Variants in SLC1A7 observed in about 807,000 individuals in gnomAD.
SLC1A7 encodes solute carrier family 1 member 7.
A neutral mutation model predicts 47.7 loss-of-function variants in SLC1A7; 40 were observed. That is an observed-to-expected ratio of 0.84 (90% CI 0.65 to 1.09). SLC1A7 has a LOEUF of 1.09. Ranked by LOEUF, SLC1A7 falls within the 50% of genes least tolerant of loss-of-function variation. The pLI is 0.00. For synonymous variants in SLC1A7, 323 were observed against 325.6 expected (o/e 0.99, Z 0.09); for missense variants, 746 against 769.5 (o/e 0.97, Z 0.36).
intron 7 of SLC1A7, 68 bp downstream of exon 7, chr1:53,092,486 T>C (rs1644432967): frequency 4.2e-6 from 5 of 1,177,596 alleles, no homozygotes; most frequent in Non-Finnish European, 5.0e-6. Context: ...GAACCAATGA[T>C]GGCTGGACAG....
intron 4 of SLC1A7, among the ~76,000 whole-genome samples, chr1:53,103,897 A>G (rs988921593): frequency 6.6e-6 from 1 of 151,658 alleles, no homozygotes; most frequent in African/African-American, 2.4e-5. Context: ...TTATCCACCC[A>G]TCTGTCCCCT....
intron 2 of SLC1A7, among the ~76,000 whole-genome samples, chr1:53,126,929 C>G (rs1644888642): frequency 6.6e-6 from 1 of 151,846 alleles, no homozygotes; most frequent in Admixed American, 6.6e-5. Context: ...ATGGCATGAA[C>G]ATGGCTCACT....
Position 53,103,498 on chromosome 1 carries a change from A to C in SLC1A7, c.545T>G (p.Ile182Ser). Residue 182 changes from isoleucine to serine, a missense_variant, in exon 5 of 11, where the codon ATC becomes AGC. Ile to Ser is a moderately radical substitution (Grantham distance 142, BLOSUM62 -2). Transcript: ENST00000371494. ...CTCCTCCTGGACCCCGTAGATGAGG[A>C]TCCGCCGAGGAGGGGCCTCCTCTGG... Reference protein sequence around the residue: ...VAPEEAPPRRILIYGVQEENG... With the variant: ...VAPEEAPPRRSLIYGVQEENG... The C allele has an allele frequency of 6.2e-7, 1 of 1,613,038 alleles. No individual in the cohort carries two copies. The highest frequency in any genetic ancestry group is 8.5e-7 in the Non-Finnish European group (1 of 1,179,550).
chr1:53,106,011 C>T (rs1288423), intron 3 of SLC1A7, among the ~76,000 whole-genome samples: 91 of 152,204 alleles, frequency 6.0e-4, no homozygotes, highest in Non-Finnish European at 1.0e-3. Flanking sequence ...TCCCTCTGCC[C>T]GGAATGCCCT....
intron 7 of SLC1A7, 67 bp downstream of exon 7, chr1:53,092,487 G>T (rs1644432998): frequency 2.5e-6 from 3 of 1,183,050 alleles, no homozygotes; most frequent in Non-Finnish European, 3.7e-6. Context: ...AACCAATGAT[G>T]GCTGGACAGA....
At chr1:53,089,956 A>G (rs1003584353) in intron 8 of SLC1A7, 22 bp from the exon 9 acceptor site, 2 of 1,612,110 alleles carry the variant, frequency 1.2e-6, no homozygotes, top group Non-Finnish European at 1.7e-6. Context: ...GGGAAGGGGA[A>G]GAGGAGCAGC....
chr1:53,131,065 C>G (rs1644937537), intron 2 of SLC1A7, among the ~76,000 whole-genome samples: 1 of 152,226 alleles, frequency 6.6e-6, no homozygotes. Context: ...TGCTCTGCAC[C>G]AGTCCAAACT....
At chr1:53,123,502 G>A (rs1644848007) in intron 2 of SLC1A7, among the ~76,000 whole-genome samples, 1 of 152,258 alleles carries the variant, frequency 6.6e-6, no homozygotes. Flanking sequence ...AGAAGGGAAT[G>A]AGGTGGGTCT....
rs753050285 is a variant in SLC1A7 at position 53,092,669 on chromosome 1, G to A, written c.916C>T (p.Leu306Phe). 12 of 1,614,046 alleles carry A rather than the reference G, an allele frequency of 7.4e-6. No individual in the cohort carries two copies. The highest frequency in any genetic ancestry group is 1.0e-5 in the Non-Finnish European group (12 of 1,179,908). ...AGGGGCAGGATAAAGAGCCCGTGGA[G>A]CACCAGCCCGCACACCACGGTGACT... Reference protein sequence around the residue: ...YSVTVVCGLVLHGLFILPLLY... With the variant: ...YSVTVVCGLVFHGLFILPLLY... The change falls in exon 7 of 11, where the codon CTC becomes TTC. Residue 306 changes from leucine to phenylalanine, a missense_variant. By Grantham distance (22) the Leu-to-Phe change is conservative. Coordinates refer to ENST00000371494, the MANE Select transcript of SLC1A7 (RefSeq NM_006671.6).
rs1644738100 is a variant in SLC1A7 at position 53,114,769 on chromosome 1, C to T, written c.420G>A (p.Leu140=). The T allele has an allele frequency of 6.2e-7, 1 of 1,613,922 alleles. No homozygotes were observed. Among genetic ancestry groups the T allele is most frequent in the Non-Finnish European group, 8.5e-7 (1 of 1,179,934 alleles). Residue 140 remains leucine, a synonymous_variant, in exon 3 of 11, where the codon TTG becomes TTA. Transcript: ENST00000371494. Reference sequence around the variant, plus strand: ...GTGGCAATAGTTACCGGATGAGGTCCAACAGGGCATCGGCTGAGCTCATGA... The same window carrying T: ...GTGGCAATAGTTACCGGATGAGGTCTAACAGGGCATCGGCTGAGCTCATGA... ...KPIMSSADAL[L]DLIRNMFPAN... is the part of the protein sequence containing the mutation.
rs868102745 is a variant in SLC1A7 at position 53,136,594 on chromosome 1, A to T, written c.136-2165T>A. ...ACATATATAATATATAAACATATAT[A>T]ATATATAAACATATATAATATATAT... On this transcript the variant is annotated intron_variant, in intron 1 of 10. Transcript: ENST00000371494. 4.3e-3 allele frequency among the ~76,000 whole-genome samples: 549 copies of T among 128,348 alleles called. 9 individuals carry two copies. Among genetic ancestry groups the T allele is most frequent in the African/African-American group, 6.8e-3 (227 of 33,500 alleles). The allele number at this position is 128,348 out of a possible 152,430, so 84.2% of individuals were successfully genotyped here.
intron 3 of SLC1A7, among the ~76,000 whole-genome samples, chr1:53,108,949 AT>A (rs1403473278): frequency 1.3e-5 from 2 of 152,044 alleles, no homozygotes; most frequent in African/African-American, 4.8e-5. Flanking sequence ...GGAAATGTAC[AT>A]TTTCTTTTGG....
At chr1:53,092,822 G>A in intron 6 of SLC1A7, 35 bp from the exon 7 acceptor site, 1 of 1,427,184 alleles carries the variant, frequency 7.0e-7, no homozygotes. Context: ...TCAGGAACCA[G>A]GCAGGCAGAC....
chr1:53,111,947 T>C (rs939818514), intron 3 of SLC1A7, among the ~76,000 whole-genome samples: 5 of 152,188 alleles, frequency 3.3e-5, no homozygotes, highest in African/African-American at 1.2e-4. Context: ...TGATGATCCT[T>C]AGTTCATCAC....
At chr1:53,105,078 G>A (rs979087896) in intron 4 of SLC1A7, among the ~76,000 whole-genome samples, 2 of 152,042 alleles carry the variant, frequency 1.3e-5, no homozygotes, top group Admixed American at 6.6e-5. Context: ...AAAAAAGCAA[G>A]ATGAAAACTG....
intron 5 of SLC1A7, among the ~76,000 whole-genome samples, chr1:53,100,082 AC>A (rs1327508155): frequency 2.7e-5 from 4 of 146,046 alleles, no homozygotes; most frequent in Non-Finnish European, 3.0e-5. Flanking sequence ...ACACACCCCC[AC>A]CTTGATACCT....
rs369559497 is a variant in SLC1A7 at position 53,105,760 on chromosome 1, G to T, written c.446C>A (p.Ala149Asp). 7.9e-5 allele frequency: 127 copies of T among 1,613,226 alleles called. No homozygotes were observed. Among genetic ancestry groups the T allele is most frequent in the Non-Finnish European group, 1.0e-4 (122 of 1,179,520 alleles). Reference protein sequence around the residue: ...LLDLIRNMFPANLVEATFKQY... With the variant: ...LLDLIRNMFPDNLVEATFKQY... Reference sequence around the variant, plus strand: ...TTTGAATGTGGCTTCTACTAGGTTGGCTGGGAACATGTTCCTAGGAAGAGA... The same window carrying T: ...TTTGAATGTGGCTTCTACTAGGTTGTCTGGGAACATGTTCCTAGGAAGAGA... Residue 149 changes from alanine to aspartate, a missense_variant, in exon 4 of 11, where the codon GCC (alanine) becomes GAC (aspartate). Transcript: ENST00000371494.
At position 53,090,685 on chromosome 1, in the gene SLC1A7, C is replaced by T. The variant is rs555084898; in HGVS notation, c.1153G>A (p.Glu385Lys). ...GCGATGAAGATGGCGGCCACAGCCT[C>T]GTAGAGCGCAGTGCCGTCCATGTTG... The part of the protein sequence containing the change: ...TINMDGTALY[E>K]AVAAIFIAQV... Residue 385 changes from glutamate (E) to lysine (K), a missense_variant, in exon 8 of 11, where the codon GAG becomes AAG. Glu to Lys is a moderately conservative substitution (Grantham distance 56, BLOSUM62 1). Coordinates refer to ENST00000371494, the MANE Select transcript of SLC1A7 (RefSeq NM_006671.6). 38 of 1,613,744 alleles carry T rather than the reference C, an allele frequency of 2.4e-5. No individual in the cohort carries two copies. In the East Asian group the frequency reaches 4.2e-4, roughly 18 times the overall value.
Position 53,087,810 on chromosome 1 carries a change from C to A in SLC1A7, c.*199G>T, listed in dbSNP as rs943063231. 4.4e-5 allele frequency: 17 copies of A among 390,698 alleles called. No homozygotes were observed. In the East Asian group the frequency reaches 5.9e-4, roughly 13 times the overall value. The allele number at this position is 390,698 out of a possible 1,614,324, so 24.2% of individuals were successfully genotyped here. A position where few individuals can be genotyped will look rare whatever the true frequency, so the allele number is the denominator to read the frequency against. Reference sequence around the variant, plus strand: ...TCAGGCAATGCCGGGCCCATCACTCCCTAGATGGGGCTCCCCCATGCAGCC... The same window carrying A: ...TCAGGCAATGCCGGGCCCATCACTCACTAGATGGGGCTCCCCCATGCAGCC... On this transcript the variant is annotated 3_prime_UTR_variant, in exon 11 of 11. Transcript: ENST00000371494.
Sources: gnomAD v4.1 joint callset for allele counts (sites outside exome capture counted in the v4.1 genomes callset) on GRCh38, gnomAD v4.1.1 for gene constraint, MANE v1.5 for transcripts, NCBI Gene and HGNC (gene_info 2026-07-23, HGNC 2026-07-21) for gene names.